Variants in C2orf49 observed in about 807,000 individuals in gnomAD.
The protein encoded by C2orf49 is tRNA-splicing ligase complex subunit ASW.
In C2orf49, 11 loss-of-function variants were observed where a neutral mutation model predicts 20.6. The observed-to-expected ratio is 0.53, with a 90% CI of 0.34 to 0.88. C2orf49 has a LOEUF of 0.88. C2orf49 is among the 40% of genes least tolerant of loss of function. The pLI is 0.02. For missense variants in C2orf49, 289 were observed against 274.2 expected, an observed-to-expected ratio of 1.05 and a Z score of -0.38; for synonymous variants, 134 against 108.5, an observed-to-expected ratio of 1.24 and a Z score of -1.46.
chr2:105,344,756 T>G (rs1392712035), intron 3 of C2orf49, among the ~76,000 whole-genome samples: 1 of 152,052 alleles, frequency 6.6e-6, no homozygotes, highest in Non-Finnish European at 1.5e-5. Context: ...ATTTTTTTTT[T>G]TTTTATTTTT....
the C2orf49 span, chr2:105,361,342 G>A: frequency 6.2e-7 from 1 of 1,614,028 alleles, no homozygotes; most frequent in Non-Finnish European, 8.5e-7. Context: ...AGGAAGCCAC[G>A]CCCCACCAGT....
chr2:105,345,700 C>G lies in C2orf49; in HGVS notation c.*329C>G. On this transcript the variant is annotated 3_prime_UTR_variant, in exon 4 of 4. Coordinates refer to ENST00000258457, the MANE Select transcript of C2orf49 (RefSeq NM_024093.3). ...TGAATTGGCCAGGCGCAGTGGCTCA[C>G]GCCTATAATCCCAGCACTTTGAGAG... 1 of 244,108 alleles carries G rather than the reference C, an allele frequency of 4.1e-6. No homozygotes were observed. The highest frequency in any genetic ancestry group is 5.6e-5 in the South Asian group (1 of 17,962). 15.1% of individuals were successfully genotyped at this position (244,108 alleles called of 1,614,324 possible).
chr2:105,355,816 G>GTGTGTA, the C2orf49 span, among the ~76,000 whole-genome samples: 1 of 143,028 alleles, frequency 7.0e-6, no homozygotes, highest in Non-Finnish European at 1.5e-5. Context: ...GTGTGTGTGT[G>GTGTGTA]TATCACTACC....
downstream of C2orf49, among the ~76,000 whole-genome samples, chr2:105,352,429 G>GTTTTTTTTTTTTTTTTTTTTTTTTT (rs61585149): frequency 1.2e-4 from 10 of 80,762 alleles, no homozygotes; most frequent in East Asian, 4.0e-4. Flanking sequence ...GTTTGTTTGG[G>GTTTTTTTTTTTTTTTTTTTTTTTTT]TTTTTTTTTT....
chr2:105,385,036 G>A, the C2orf49 span, among the ~76,000 whole-genome samples: 1 of 152,248 alleles, frequency 6.6e-6, no homozygotes, highest in Non-Finnish European at 1.5e-5. Flanking sequence ...ACAACTTTTA[G>A]AGTAGCCAGA....
At chr2:105,372,108 G>A in the C2orf49 span, among the ~76,000 whole-genome samples, 1 of 152,250 alleles carries the variant, frequency 6.6e-6, no homozygotes, top group Non-Finnish European at 1.5e-5. Context: ...GTCATAGTGT[G>A]TCACAGTTGT....
At chr2:105,377,844 T>G in the C2orf49 span, 2 of 352,072 alleles carry the variant, frequency 5.7e-6, no homozygotes, top group South Asian at 2.2e-5. Context: ...GGGGAGGAGA[T>G]CCTTGGCCTC....
At chr2:105,361,705 G>C in the C2orf49 span, among the ~76,000 whole-genome samples, 1 of 152,162 alleles carries the variant, frequency 6.6e-6, no homozygotes, top group Non-Finnish European at 1.5e-5. Flanking sequence ...TATTTGTTAT[G>C]TGTTTTCCCA....
the C2orf49 span, among the ~76,000 whole-genome samples, chr2:105,355,770 TTGTGTGTG>T: frequency 0.087 from 12,421 of 143,134 alleles, 635 homozygotes; most frequent in Admixed American, 0.14. Context: ...AGAAAAAATT[TTGTGTGTG>T]TGTGTGTGTG....
the C2orf49 span, among the ~76,000 whole-genome samples, chr2:105,381,091 G>A: frequency 0.12 from 18,497 of 152,050 alleles, 1,285 homozygotes; most frequent in East Asian, 0.29. Flanking sequence ...AGACTGAAAC[G>A]TCTGGCTCTC....
At position 105,343,189 on chromosome 2, in the gene C2orf49, A is replaced by G; in HGVS notation, c.608A>G (p.Lys203Arg). Residue 203 changes from lysine (K) to arginine (R), a missense_variant, in exon 3 of 4, where the codon AAG becomes AGG. Physicochemically the swap from Lys to Arg is conservative, Grantham distance 26. Transcript: ENST00000258457. ...GTTGGAACTACTCCAGTGAAGTTAA[A>G]GAGAGCTGCTCCTAAAGAAGAGGCA... ...SPVGTTPVKL[K>R]RAAPKEEAEA... The G allele has an allele frequency of 2.5e-6, 4 of 1,609,260 alleles. No homozygotes were observed. Among genetic ancestry groups the G allele is most frequent in the Non-Finnish European group, 3.4e-6 (4 of 1,178,180 alleles).
downstream of C2orf49, among the ~76,000 whole-genome samples, chr2:105,352,828 C>G (rs1192575191): frequency 6.6e-6 from 1 of 152,092 alleles, no homozygotes; most frequent in Non-Finnish European, 1.5e-5. Flanking sequence ...CAATTAAAGT[C>G]GCAGTATTCT....
At chr2:105,365,786 A>G in the C2orf49 span, among the ~76,000 whole-genome samples, 1 of 151,976 alleles carries the variant, frequency 6.6e-6, no homozygotes, top group African/African-American at 2.4e-5. Flanking sequence ...CAGAGGTTGC[A>G]GTGAGTTGAG....
chr2:105,348,527 CATATATATATAT>C lies in C2orf49; in HGVS notation c.*3175_*3186del, dbSNP rs10533537. ...AAGTAAAACTGCCAGTAGATTAAATCATATATATATATATATATATATATATATATGTAAGAG... is the reference window on the plus strand; with the variant it reads ...AAGTAAAACTGCCAGTAGATTAAATCATATATATATATATATATGTAAGAG... On this transcript the variant is annotated 3_prime_UTR_variant, in exon 4 of 4. Transcript: ENST00000258457. 1.7e-4 allele frequency: 22 copies of C among 132,426 alleles called. No individual in the cohort carries two copies. The highest frequency in any genetic ancestry group is 3.2e-4 in the Non-Finnish European group (20 of 62,358). 8.2% of individuals were successfully genotyped at this position (132,426 alleles called of 1,614,324 possible). A position where few individuals can be genotyped will look rare whatever the true frequency, so the allele number is the denominator to read the frequency against.
At chr2:105,373,830 A>C in the C2orf49 span, 1 of 1,312,440 alleles carries the variant, frequency 7.6e-7, no homozygotes, top group Non-Finnish European at 1.1e-6. Flanking sequence ...GCAAACAAGG[A>C]AAGAAGTTGG....
chr2:105,379,561 C>T, the C2orf49 span, among the ~76,000 whole-genome samples: 18 of 152,298 alleles, frequency 1.2e-4, no homozygotes, highest in Admixed American at 1.0e-3. Flanking sequence ...AATGTAACGA[C>T]ACCAAAAAGT....
At chr2:105,377,926 T>C in the C2orf49 span, 1 of 401,886 alleles carries the variant, frequency 2.5e-6, no homozygotes, top group Admixed American at 3.0e-5. Context: ...CCCAGAGGGG[T>C]GGCAAGTTAT....
the C2orf49 span, among the ~76,000 whole-genome samples, chr2:105,367,960 G>A: frequency 0.025 from 3,777 of 152,304 alleles, 60 homozygotes; most frequent in Middle Eastern, 0.034. Context: ...AGAACAACAC[G>A]TGTACATTTT....
chr2:105,345,361 C>A lies in C2orf49; in HGVS notation c.689C>A (p.Thr230Asn). 6.2e-7 allele frequency: 1 copy of A among 1,612,902 alleles called. No homozygotes were observed. The highest frequency in any genetic ancestry group is 8.5e-7 in the Non-Finnish European group (1 of 1,179,578). ...PQAKRKIQHV[T>N]WP The stretch of plus-strand genomic sequence containing the variant: ...GCAAAAAGGAAGATACAACATGTTA[C>A]TTGGCCCTGAAGAAAAGTTTCCAAA... The change falls in exon 4 of 4, where the codon ACT becomes AAT. Residue 230 changes from threonine (T) to asparagine (N), a missense_variant. Physicochemically the swap from Thr to Asn is moderately conservative, Grantham distance 65 (BLOSUM62 0). Transcript: ENST00000258457.
Sources: gnomAD v4.1 joint callset for allele counts (sites outside exome capture counted in the v4.1 genomes callset) on GRCh38, gnomAD v4.1.1 for gene constraint, MANE v1.5 for transcripts, NCBI Gene and HGNC (gene_info 2026-07-23, HGNC 2026-07-21) for gene names.